Variants in RANBP2 observed in about 807,000 individuals in gnomAD.
RANBP2 encodes RAN binding protein 2, also known as E3 SUMO-protein ligase RanBP2.
In RANBP2, 57 loss-of-function variants were observed where a neutral mutation model predicts 303.6. That is an observed-to-expected ratio of 0.19 (90% CI 0.15 to 0.23). The LOEUF (loss-of-function observed/expected upper bound fraction) is 0.23, where lower values mean the gene tolerates loss of function less well. Among genes scored for constraint, RANBP2 ranks in the 10% least tolerant of loss-of-function variants. The pLI, the probability that RANBP2 is intolerant of heterozygous loss-of-function variation, is 1.00. For missense variants in RANBP2, 3,138 were observed against 3,780.8 expected, an observed-to-expected ratio of 0.83 and a Z score of 4.46; for synonymous variants, 1,167 against 1,301.5, an observed-to-expected ratio of 0.90 and a Z score of 2.23.
At chr2:108,748,375 T>A (rs1253359033) in intron 8 of RANBP2, among the ~76,000 whole-genome samples, 3 of 53,598 alleles carry the variant, frequency 5.6e-5, no homozygotes, top group Non-Finnish European at 9.8e-5. Flanking sequence ...GGCCGGCTAA[T>A]TTTTTTTTTT....
chr2:109,093,590 T>C, the RANBP2 span, among the ~76,000 whole-genome samples: 1 of 151,682 alleles, frequency 6.6e-6, no homozygotes, highest in South Asian at 2.1e-4. Context: ...TTGGCTGTCC[T>C]GGCTAGAGTC....
the RANBP2 span, among the ~76,000 whole-genome samples, chr2:109,476,958 G>C: frequency 6.6e-6 from 1 of 152,144 alleles, no homozygotes; most frequent in Non-Finnish European, 1.5e-5. Context: ...TCACCACCTT[G>C]GTTTTGGTGG....
At chr2:109,365,368 C>G in the RANBP2 span, among the ~76,000 whole-genome samples, 1 of 152,192 alleles carries the variant, frequency 6.6e-6, no homozygotes, top group South Asian at 2.1e-4. Flanking sequence ...CCCTCCTAGC[C>G]GAGCACTGCT....
the RANBP2 span, among the ~76,000 whole-genome samples, chr2:109,234,077 G>C: frequency 6.6e-6 from 1 of 152,214 alleles, no homozygotes; most frequent in Non-Finnish European, 1.5e-5. Context: ...ACATTTAGGA[G>C]TAGAATTGCT....
chr2:109,726,531 C>G, the RANBP2 span, among the ~76,000 whole-genome samples: 217 of 152,230 alleles, frequency 1.4e-3, no homozygotes, highest in Non-Finnish European at 2.6e-3. Context: ...GGGTCCGTGT[C>G]GCAGAGGAGA....
the RANBP2 span, among the ~76,000 whole-genome samples, chr2:109,066,050 G>C: frequency 6.6e-6 from 1 of 151,836 alleles, no homozygotes; most frequent in South Asian, 2.1e-4. Context: ...CAATTCTCCT[G>C]CCTCGGCCTC....
At chr2:109,647,707 C>T in the RANBP2 span, among the ~76,000 whole-genome samples, 16 of 145,234 alleles carry the variant, frequency 1.1e-4, no homozygotes, top group Admixed American at 1.4e-4. Context: ...TGACCTCAGG[C>T]GATCCACCCG....
the RANBP2 span, among the ~76,000 whole-genome samples, chr2:108,991,456 G>A: frequency 2.6e-5 from 4 of 152,152 alleles, no homozygotes; most frequent in Admixed American, 6.5e-5. Flanking sequence ...GGTCTCCTGG[G>A]GCTGTGTTCT....
the RANBP2 span, among the ~76,000 whole-genome samples, chr2:108,904,259 G>A: frequency 6.6e-6 from 1 of 152,088 alleles, no homozygotes; most frequent in Non-Finnish European, 1.5e-5. Flanking sequence ...ACCACAATAA[G>A]ATATCATAAC....
At chr2:109,672,035 T>C in the RANBP2 span, among the ~76,000 whole-genome samples, 1 of 152,226 alleles carries the variant, frequency 6.6e-6, no homozygotes, top group Non-Finnish European at 1.5e-5. Context: ...TGTTTTCTTT[T>C]TCCCAAGCAA....
the RANBP2 span, among the ~76,000 whole-genome samples, chr2:109,377,085 C>A: frequency 6.6e-6 from 1 of 152,242 alleles, no homozygotes; most frequent in African/African-American, 2.4e-5. Flanking sequence ...AAATAGGTGC[C>A]TTTCCCTGGG....
At chr2:108,950,275 CTTTCTTTTT>C in the RANBP2 span, among the ~76,000 whole-genome samples, 2 of 119,192 alleles carry the variant, frequency 1.7e-5, no homozygotes, top group African/African-American at 3.1e-5. Flanking sequence ...CTTTTTCTTT[CTTTCTTTTT>C]TTTCTTTTTT....
the RANBP2 span, among the ~76,000 whole-genome samples, chr2:109,478,583 A>G: frequency 1.3e-5 from 2 of 152,154 alleles, no homozygotes; most frequent in Non-Finnish European, 2.9e-5. Flanking sequence ...TATCCCTACA[A>G]TTATACATGC....
chr2:109,304,771 G>A, the RANBP2 span, among the ~76,000 whole-genome samples: 27 of 152,318 alleles, frequency 1.8e-4, no homozygotes, highest in South Asian at 1.5e-3. Context: ...GAGGAAAGGA[G>A]CAGGGACCCG....
the RANBP2 span, chr2:109,490,734 G>T: frequency 1.3e-6 from 2 of 1,536,220 alleles, no homozygotes; most frequent in East Asian, 2.4e-5. Flanking sequence ...CCAAGGTGCA[G>T]TGGGCCCCGA....
chr2:108,862,025 G>C, the RANBP2 span, among the ~76,000 whole-genome samples: 1 of 147,994 alleles, frequency 6.8e-6, no homozygotes, highest in Admixed American at 6.7e-5. Flanking sequence ...TCTTTGTATT[G>C]GTTTCTATTT....
In RANBP2 at chr2:108,731,980, C is replaced by G. The variant is rs193290587; in HGVS notation, c.405+506C>G. 292 of 163,034 alleles carry G rather than the reference C, an allele frequency of 1.8e-3. 3 individuals carry two copies. The highest frequency in any genetic ancestry group is 6.8e-3 in the African/African-American group (281 of 41,574). The allele number at this position is 163,034 out of a possible 1,614,324, so 10.1% of individuals were successfully genotyped here. ...TAGGAAGTTCTTGCTAGTGTGTTGA[C>G]TGGTCCTGATATTCTTTATAGAGTA... On this transcript the variant is annotated intron_variant, in intron 4 of 28. Coordinates refer to ENST00000283195, the MANE Select transcript of RANBP2 (RefSeq NM_006267.5).
At chr2:108,873,350 T>A in the RANBP2 span, 4 of 1,071,766 alleles carry the variant, frequency 3.7e-6, no homozygotes, top group Non-Finnish European at 5.0e-6. Context: ...AAAATCTAAA[T>A]GAATATTTAT....
At chr2:109,653,910 C>A in the RANBP2 span, among the ~76,000 whole-genome samples, 7 of 152,180 alleles carry the variant, frequency 4.6e-5, no homozygotes, top group African/African-American at 1.2e-4. Flanking sequence ...ACAGCAAAGT[C>A]TTGCAGTTGC....
Sources: allele counts gnomAD v4.1 joint callset (sites outside exome capture counted in the v4.1 genomes callset), GRCh38; gene constraint gnomAD v4.1.1; transcripts MANE v1.5; gene names NCBI Gene and HGNC (gene_info 2026-07-23, HGNC 2026-07-21).